The following PFKFB3 variants were observed in gnomAD, a reference collection of about 807,000 sequenced individuals.
PFKFB3 encodes the protein 6-phosphofructo-2-kinase/fructose-2,6-biphosphatase 3.
Under a neutral mutation model 68.0 loss-of-function variants are expected in PFKFB3, and 33 were observed. That is an observed-to-expected ratio of 0.49 (90% CI 0.37 to 0.65). The LOEUF (loss-of-function observed/expected upper bound fraction) is 0.65. Ranked by LOEUF, PFKFB3 falls within the 30% of genes least tolerant of loss-of-function variation. PFKFB3 has a pLI of 0.00. For synonymous variants in PFKFB3, 315 were observed against 288.2 expected, an observed-to-expected ratio of 1.09 and a Z score of -0.94; for missense variants, 586 against 712.2, an observed-to-expected ratio of 0.82 and a Z score of 2.02.
At chr10:6,322,138 T>C in the PFKFB3 span, among the ~76,000 whole-genome samples, 1 of 152,220 alleles carries the variant, frequency 6.6e-6, no homozygotes, top group Non-Finnish European at 1.5e-5. Flanking sequence ...CATGTGAATT[T>C]CAAATCTCCC....
At chr10:6,260,359 A>G in the PFKFB3 span, among the ~76,000 whole-genome samples, 1 of 145,128 alleles carries the variant, frequency 6.9e-6, no homozygotes. Flanking sequence ...GATTGCAGTG[A>G]GCCGAGATTG....
At chr10:6,309,088 G>C in the PFKFB3 span, among the ~76,000 whole-genome samples, 1 of 152,156 alleles carries the variant, frequency 6.6e-6, no homozygotes, top group Admixed American at 6.5e-5. Flanking sequence ...AGGCACTTGA[G>C]GCAGATCCCC....
the PFKFB3 span, among the ~76,000 whole-genome samples, chr10:6,273,065 G>A: frequency 6.9e-6 from 1 of 145,550 alleles, no homozygotes; most frequent in Admixed American, 7.1e-5. Flanking sequence ...GGAGTGCAGT[G>A]GCATGATTTC....
chr10:6,311,375 T>C, the PFKFB3 span, among the ~76,000 whole-genome samples: 2 of 152,242 alleles, frequency 1.3e-5, no homozygotes, highest in Middle Eastern at 6.8e-3. Context: ...GGCCTTTTGC[T>C]CTCCCTAATT....
chr10:6,169,757 CCT>C (rs1311043240), intron 1 of PFKFB3, among the ~76,000 whole-genome samples: 1 of 152,166 alleles, frequency 6.6e-6, no homozygotes, highest in Non-Finnish European at 1.5e-5. Flanking sequence ...AAATCCCAGC[CCT>C]GAGCTCTATA....
chr10:6,250,558 G>T (rs990288021), intron 14 of PFKFB3, among the ~76,000 whole-genome samples: 1 of 146,242 alleles, frequency 6.8e-6, no homozygotes, highest in Non-Finnish European at 1.5e-5. Context: ...GCGACAGAGC[G>T]AGACTCGGTC....
At chr10:6,150,589 C>T (rs1046467644) in intron 1 of PFKFB3, among the ~76,000 whole-genome samples, 13 of 152,166 alleles carry the variant, frequency 8.5e-5, no homozygotes, top group African/African-American at 3.1e-4. Context: ...GTGGCCACTG[C>T]ACTCCAGCCG....
chr10:6,289,087 G>A, the PFKFB3 span, among the ~76,000 whole-genome samples: 18 of 150,060 alleles, frequency 1.2e-4, no homozygotes, highest in African/African-American at 2.7e-4. Flanking sequence ...TGAGTTCATC[G>A]TAGATTCTGG....
chr10:6,282,057 A>T, the PFKFB3 span, among the ~76,000 whole-genome samples: 1 of 151,654 alleles, frequency 6.6e-6, no homozygotes, highest in Non-Finnish European at 1.5e-5. Flanking sequence ...ACAGGTTCGA[A>T]CTCCTGGGCT....
chr10:6,321,399 ACAAT>A, the PFKFB3 span, among the ~76,000 whole-genome samples: 4 of 151,864 alleles, frequency 2.6e-5, no homozygotes, highest in African/African-American at 9.7e-5. Flanking sequence ...AATTCAGTAA[ACAAT>A]CAAACAAAAA....
rs1277410154 is a variant in PFKFB3, at chr10:6,228,725, C to G, written c.1515+2360C>G. The stretch of plus-strand genomic sequence containing the variant: ...GGTGGGGCCTGAGCTCTGAGCCTCT[C>G]CCTCCCCATGAGGACCCCCCACACC... On this transcript the variant is annotated intron_variant, in intron 14 of 14. Coordinates refer to ENST00000379775, the MANE Select transcript of PFKFB3 (RefSeq NM_004566.4). The surrounding 1 kb of genome is among the most constrained non-coding windows in gnomAD (Gnocchi z 4.5). Among the ~76,000 whole-genome samples, 6 of 152,144 alleles carry G rather than the reference C, an allele frequency of 3.9e-5. No homozygotes were observed. The highest frequency in any genetic ancestry group is 5.9e-5 in the Non-Finnish European group (4 of 68,020).
At chr10:6,183,362 A>G (rs981057766) in intron 1 of PFKFB3, among the ~76,000 whole-genome samples, 2 of 152,030 alleles carry the variant, frequency 1.3e-5, no homozygotes, top group Non-Finnish European at 2.9e-5. Context: ...CTCCACTAGG[A>G]TTCTGTTTAC....
chr10:6,269,032 A>G, the PFKFB3 span, among the ~76,000 whole-genome samples: 36 of 151,710 alleles, frequency 2.4e-4, no homozygotes, highest in Admixed American at 1.3e-3. Flanking sequence ...TCAAAAAAAA[A>G]AAAAAAAAAA....
chr10:6,275,847 A>G, the PFKFB3 span, among the ~76,000 whole-genome samples: 1 of 151,950 alleles, frequency 6.6e-6, no homozygotes, highest in Non-Finnish European at 1.5e-5. This position sits in a 1 kb window ranked among gnomAD's most constrained non-coding sequence, Gnocchi z 4.9. Flanking sequence ...TAATGGCTTA[A>G]GGGGTATATG....
the PFKFB3 span, among the ~76,000 whole-genome samples, chr10:6,289,749 T>C: frequency 6.6e-6 from 1 of 152,154 alleles, no homozygotes; most frequent in Admixed American, 6.5e-5. Flanking sequence ...AGAAAGTCAT[T>C]GGTAGCTTGA....
intron 14 of PFKFB3, among the ~76,000 whole-genome samples, chr10:6,244,519 C>G (rs1024592538): frequency 6.6e-6 from 1 of 152,154 alleles, no homozygotes; most frequent in South Asian, 2.1e-4. Context: ...CTGTATTTAG[C>G]AGGTGCTCTG....
intron 1 of PFKFB3, among the ~76,000 whole-genome samples, chr10:6,210,422 G>C (rs1361468573): frequency 1.0e-5 from 1 of 99,630 alleles, no homozygotes. Context: ...GTGCAGTGGC[G>C]CTATCTCGGC....
At chr10:6,321,316 T>C in the PFKFB3 span, among the ~76,000 whole-genome samples, 2 of 152,182 alleles carry the variant, frequency 1.3e-5, no homozygotes, top group Non-Finnish European at 2.9e-5. Context: ...AGTAAGTTCC[T>C]TGTCATGCCC....
At chr10:6,237,036 T>C (rs768656216), downstream of PFKFB3, among the ~76,000 whole-genome samples, 1 of 152,306 alleles carries the variant, frequency 6.6e-6, no homozygotes, top group East Asian at 1.9e-4. Flanking sequence ...CACACTGGCC[T>C]CCTGCAGGTC....
Sources: gnomAD v4.1 joint callset for allele counts (sites outside exome capture counted in the v4.1 genomes callset) on GRCh38, gnomAD v4.1.1 for gene constraint, Gnocchi (gnomAD v3.1) non-coding constraint, MANE v1.5 for transcripts, NCBI Gene and HGNC (gene_info 2026-07-23, HGNC 2026-07-21) for gene names.